The following MFAP3 variants were observed in gnomAD, a reference collection of about 807,000 sequenced individuals.
MFAP3 encodes the protein microfibril-associated glycoprotein 3.
Under a neutral mutation model 20.5 loss-of-function variants are expected in MFAP3, and 8 were observed. The ratio of observed to expected loss-of-function variants is 0.39; its 90% confidence interval spans 0.23 to 0.70. MFAP3 has a LOEUF of 0.70. Ranked by LOEUF, MFAP3 falls within the 30% of genes least tolerant of loss-of-function variation. The pLI, the probability that MFAP3 is intolerant of heterozygous loss-of-function variation, is 0.44. For synonymous variants in MFAP3, 140 were observed against 154.0 expected (o/e 0.91, Z 0.67); for missense variants, 398 against 444.6 (o/e 0.90, Z 0.94).
rs1237352181 is a variant in MFAP3 at position 154,056,538 on chromosome 5, T to C, written c.*2825T>C. ...ATTATCTTTTTGTCTCACTGGATTT[T>C]ATAGTTAGTGGAAAATGCCTTTACA... On this transcript the variant is annotated 3_prime_UTR_variant, in exon 3 of 3. Coordinates refer to ENST00000522782, the MANE Select transcript of MFAP3 (RefSeq NM_005927.5). Among the ~76,000 whole-genome samples, 3 of 152,262 alleles carry C rather than the reference T, an allele frequency of 2.0e-5. No homozygotes were observed. The highest frequency in any genetic ancestry group is 4.4e-5 in the Non-Finnish European group (3 of 68,048).
intron 1 of MFAP3, among the ~76,000 whole-genome samples, chr5:154,043,215 C>G (rs1424577095): frequency 6.6e-6 from 1 of 152,178 alleles, no homozygotes; most frequent in Non-Finnish European, 1.5e-5. Flanking sequence ...AAACTTGAGT[C>G]TTACACTTAT....
chr5:154,042,618 G>A (rs1395881403), intron 1 of MFAP3, among the ~76,000 whole-genome samples: 2 of 152,078 alleles, frequency 1.3e-5, no homozygotes, highest in Non-Finnish European at 2.9e-5. Context: ...CTTTGCAAAG[G>A]GTAGGGTAGT....
intron 1 of MFAP3, among the ~76,000 whole-genome samples, chr5:154,048,107 T>C (rs953353922): frequency 4.6e-5 from 7 of 152,196 alleles, no homozygotes; most frequent in Non-Finnish European, 8.8e-5. Context: ...TCCTACTAAC[T>C]TGTAGCATGT....
intron 1 of MFAP3, among the ~76,000 whole-genome samples, chr5:154,042,203 T>C (rs1360875468): frequency 2.0e-5 from 3 of 152,206 alleles, no homozygotes; most frequent in African/African-American, 7.2e-5. Context: ...TTTCAGACTA[T>C]AGAGGGGGAA....
Position 154,053,469 on chromosome 5 carries a change from G to A in MFAP3, c.845G>A (p.Gly282Asp). 6.2e-7 allele frequency: 1 copy of A among 1,613,890 alleles called. No homozygotes were observed. Among genetic ancestry groups the A allele is most frequent in the Non-Finnish European group, 8.5e-7 (1 of 1,179,940 alleles). The part of the protein sequence containing the change: ...KERPALNAQG[G>D]IYVINPEMGR... ...AGACCTGCCTTGAATGCTCAAGGTG[G>A]CATCTATGTCATTAACCCAGAGATG... Residue 282 changes from glycine to aspartate, a missense_variant, in exon 3 of 3, where the codon GGC (glycine) becomes GAC (aspartate). Transcript: ENST00000522782.
At chr5:154,046,353 G>A (rs1773072615) in intron 1 of MFAP3, among the ~76,000 whole-genome samples, 1 of 152,194 alleles carries the variant, frequency 6.6e-6, no homozygotes, top group Non-Finnish European at 1.5e-5. Context: ...AATTTATAAA[G>A]ATCTGTCACA....
At chr5:154,044,655 C>T (rs1156277357) in intron 1 of MFAP3, among the ~76,000 whole-genome samples, 2 of 152,128 alleles carry the variant, frequency 1.3e-5, no homozygotes, top group Non-Finnish European at 2.9e-5. Context: ...TTCCTAAATC[C>T]TGTCTGGTAG....
chr5:154,056,267 T>C lies in MFAP3; in HGVS notation c.*2554T>C, dbSNP rs1412179129. Among the ~76,000 whole-genome samples, 1 of 152,234 alleles carries C rather than the reference T, an allele frequency of 6.6e-6. No individual in the cohort carries two copies. The highest frequency in any genetic ancestry group is 1.5e-5 in the Non-Finnish European group (1 of 68,040). On this transcript the variant is annotated 3_prime_UTR_variant, in exon 3 of 3. Transcript: ENST00000522782. ...GGCCTAATTTGGTGGCCAAAGTAAC[T>C]GGTTTACTTTGAGTGTACCAGCTTA...
chr5:154,040,352 A>G (rs940510776), intron 1 of MFAP3, among the ~76,000 whole-genome samples: 1 of 152,250 alleles, frequency 6.6e-6, no homozygotes, highest in Non-Finnish European at 1.5e-5. Context: ...TGAGAATGGC[A>G]TTGTTTTACA....
chr5:154,039,074 G>T (rs1772822682), intron 1 of MFAP3, 63 bp downstream of exon 1: 1 of 152,348 alleles, frequency 6.6e-6, no homozygotes, highest in Non-Finnish European at 1.5e-5. Flanking sequence ...GGCGTGAGTC[G>T]TAGCCTGTGG....
At position 154,049,857 on chromosome 5, in the gene MFAP3, C is replaced by G; in HGVS notation, c.135C>G (p.Pro45=). ...GTAGTTCTTACAATGCATCCTTTCC[C>G]TCAAGCTTTGAACTCTCAGCAAGTT... ...ANRSSYNASF[P]SSFELSASSH... The change falls in exon 2 of 3, where the codon CCC becomes CCG. Residue 45 remains proline (P), a synonymous_variant. Transcript: ENST00000522782. 1 of 1,613,698 alleles carries G rather than the reference C, an allele frequency of 6.2e-7. No individual in the cohort carries two copies. Among genetic ancestry groups the G allele is most frequent in the Non-Finnish European group, 8.5e-7 (1 of 1,179,722 alleles).
chr5:154,044,985 G>A (rs142666494), intron 1 of MFAP3, among the ~76,000 whole-genome samples: 1,807 of 150,126 alleles, frequency 0.012, 17 homozygotes, highest in Non-Finnish European at 0.019. Flanking sequence ...AATTCTATCA[G>A]GCACCAAAGC....
chr5:154,055,228 C>A lies in MFAP3; in HGVS notation c.*1515C>A, dbSNP rs965711032. 1.3e-5 allele frequency among the ~76,000 whole-genome samples: 2 copies of A among 152,148 alleles called. No homozygotes were observed. Among genetic ancestry groups the A allele is most frequent in the Admixed American group, 6.5e-5 (1 of 15,280 alleles). ...GCTAGAGGCTCCTGAGGGAAATGTT[C>A]AGAGGAGGTTTTATCAGGATTTTAA... On this transcript the variant is annotated 3_prime_UTR_variant, in exon 3 of 3. Transcript: ENST00000522782.
chr5:154,040,204 T>G (rs1342580039), intron 1 of MFAP3, among the ~76,000 whole-genome samples: 1 of 152,226 alleles, frequency 6.6e-6, no homozygotes, highest in Admixed American at 6.5e-5. Context: ...TTCAAAGGGT[T>G]TTTGTTTATA....
chr5:154,047,478 G>A (rs1261937619), intron 1 of MFAP3, among the ~76,000 whole-genome samples: 1 of 152,126 alleles, frequency 6.6e-6, no homozygotes, highest in Non-Finnish European at 1.5e-5. Flanking sequence ...AAATGAGGTG[G>A]CATTAAAATA....
rs1561591471 is a variant in MFAP3, at chr5:154,053,005, C to T, written c.381C>T (p.Thr127=). The T allele has an allele frequency of 1.2e-6, 2 of 1,613,778 alleles. No individual in the cohort carries two copies. The highest frequency in any genetic ancestry group is 1.7e-6 in the Non-Finnish European group (2 of 1,179,888). ...GTGGGCTCTATACCTGTTTCGTCAC[C>T]TCTCCAATTCGTGCCTCCTACTCTG... The part of the protein sequence containing the change: ...DDRGLYTCFV[T]SPIRASYSVT... The change falls in exon 3 of 3, where the codon ACC becomes ACT. Residue 127 remains threonine, a synonymous_variant. Transcript: ENST00000522782.
chr5:154,050,805 A>C (rs145332676), intron 2 of MFAP3, among the ~76,000 whole-genome samples: 43 of 152,098 alleles, frequency 2.8e-4, no homozygotes, highest in African/African-American at 1.0e-3. Context: ...ACTCCTAACC[A>C]GTGTTCTGTT....
intron 1 of MFAP3, among the ~76,000 whole-genome samples, chr5:154,045,799 C>T (rs1333155602): frequency 1.3e-5 from 2 of 152,164 alleles, no homozygotes; most frequent in African/African-American, 2.4e-5. Flanking sequence ...CTCTCTGCTA[C>T]CCTGCTCTTA....
chr5:154,050,319 G>T (rs1056965998), intron 2 of MFAP3, among the ~76,000 whole-genome samples: 2 of 152,134 alleles, frequency 1.3e-5, no homozygotes, highest in African/African-American at 4.8e-5. Context: ...CAGGGCTGCT[G>T]CATACAGCTG....
Sources: gnomAD v4.1 joint callset for allele counts (sites outside exome capture counted in the v4.1 genomes callset) on GRCh38, gnomAD v4.1.1 for gene constraint, MANE v1.5 for transcripts, NCBI Gene and HGNC (gene_info 2026-07-23, HGNC 2026-07-21) for gene names.